Variants in PCDH15 observed in about 807,000 individuals in gnomAD.
PCDH15 encodes protocadherin related 15.
PCDH15 carries 129 observed loss-of-function variants against 178.5 expected under a neutral mutation model. The observed-to-expected ratio is 0.72, with a 90% confidence interval of 0.63 to 0.84. PCDH15 has a LOEUF of 0.84. Among genes scored for constraint, PCDH15 ranks in the 40% least tolerant of loss-of-function variants. The probability of loss-of-function intolerance (pLI) is 0.00; values close to 1 mark genes in which losing one functional copy is unlikely to be tolerated. For synonymous variants in PCDH15, 800 were observed against 732.0 expected, an observed-to-expected ratio of 1.09 and a Z score of -1.50; for missense variants, 2,230 against 2,099.9, an observed-to-expected ratio of 1.06 and a Z score of -1.21.
intron 13 of PCDH15, among the ~76,000 whole-genome samples, chr10:54,180,138 C>T (rs2047847216): frequency 1.3e-5 from 2 of 152,138 alleles, no homozygotes; most frequent in African/African-American, 4.8e-5. Context: ...TACTTCAGCT[C>T]CGGTTACGGA....
At chr10:55,077,321 T>C (rs760631611) in intron 2 of PCDH15, among the ~76,000 whole-genome samples, 4 of 152,140 alleles carry the variant, frequency 2.6e-5, no homozygotes, top group Non-Finnish European at 4.4e-5. Context: ...TGTATTTGTC[T>C]GGTTGTTTTG....
chr10:54,476,618 T>C (rs1399102998), intron 3 of PCDH15, among the ~76,000 whole-genome samples: 1 of 152,164 alleles, frequency 6.6e-6, no homozygotes, highest in East Asian at 1.9e-4. Flanking sequence ...GCTGAGTTTT[T>C]TTAAAAGGGT....
chr10:53,886,570 T>A (rs992295635), intron 26 of PCDH15, among the ~76,000 whole-genome samples: 1 of 151,158 alleles, frequency 6.6e-6, no homozygotes. Context: ...GAGCTGCTAG[T>A]CGTTTCCTGC....
chr10:54,279,243 T>A (rs1316764128), intron 8 of PCDH15, among the ~76,000 whole-genome samples: 1 of 151,588 alleles, frequency 6.6e-6, no homozygotes, highest in Admixed American at 6.6e-5. Context: ...AATTTCAACT[T>A]CAAATTCCAT....
At chr10:55,608,081 GA>G (rs1309253710) in intron 2 of PCDH15, among the ~76,000 whole-genome samples, 9 of 152,092 alleles carry the variant, frequency 5.9e-5, no homozygotes, top group African/African-American at 1.9e-4. Context: ...TGTAGATAAA[GA>G]CGGGAGCGTC....
chr10:55,384,437 A>G (rs186852289), intron 2 of PCDH15, among the ~76,000 whole-genome samples: 2 of 152,280 alleles, frequency 1.3e-5, no homozygotes, highest in African/African-American at 4.8e-5. Context: ...AAACACTAAT[A>G]ATGATGTTAT....
At chr10:54,078,383 T>C (rs994196321) in intron 17 of PCDH15, among the ~76,000 whole-genome samples, 1 of 151,970 alleles carries the variant, frequency 6.6e-6, no homozygotes, top group Non-Finnish European at 1.5e-5. Context: ...AATGTGAAGA[T>C]ACATTTATTT....
intron 1 of PCDH15, among the ~76,000 whole-genome samples, chr10:55,288,870 G>GATATATATATATATATATATAT (rs143549237): frequency 6.8e-6 from 1 of 146,190 alleles, no homozygotes; most frequent in African/African-American, 2.5e-5. Context: ...AATTCTATTA[G>GATATATATATATATATATATAT]ATATATATAT....
At chr10:55,481,990 T>G (rs929862314) in intron 2 of PCDH15, among the ~76,000 whole-genome samples, 17 of 151,922 alleles carry the variant, frequency 1.1e-4, no homozygotes, top group Non-Finnish European at 1.0e-4. Context: ...CTTTAAGAAC[T>G]TGCTTTATGA....
chr10:54,880,868 A>G (rs1490167622), intron 3 of PCDH15, among the ~76,000 whole-genome samples: 1 of 151,442 alleles, frequency 6.6e-6, no homozygotes, highest in Non-Finnish European at 1.5e-5. Context: ...TAAAACTTGT[A>G]TATGTAACAT....
intron 1 of PCDH15, among the ~76,000 whole-genome samples, chr10:55,213,285 C>T (rs1840616673): frequency 6.6e-6 from 1 of 152,158 alleles, no homozygotes; most frequent in African/African-American, 2.4e-5. Flanking sequence ...TTTCACGAAT[C>T]TTCATTTACA....
intron 3 of PCDH15, among the ~76,000 whole-genome samples, chr10:54,873,315 A>G (rs1260534284): frequency 6.6e-6 from 1 of 152,040 alleles, no homozygotes; most frequent in African/African-American, 2.4e-5. Flanking sequence ...TACCTAAATA[A>G]GGATTACCTT....
At chr10:54,962,966 G>C (rs571711695) in intron 2 of PCDH15, among the ~76,000 whole-genome samples, 1 of 152,118 alleles carries the variant, frequency 6.6e-6, no homozygotes. Flanking sequence ...TGAAAAATGC[G>C]TACTTGAAAA....
intron 8 of PCDH15, among the ~76,000 whole-genome samples, chr10:54,248,510 A>T (rs559139904): frequency 8.5e-5 from 13 of 152,178 alleles, no homozygotes; most frequent in African/African-American, 3.1e-4. Context: ...ATTCAGATGA[A>T]TTATATAAAT....
At chr10:54,422,556 G>T (rs1471769383) in intron 3 of PCDH15, among the ~76,000 whole-genome samples, 1 of 152,140 alleles carries the variant, frequency 6.6e-6, no homozygotes, top group Non-Finnish European at 1.5e-5. Flanking sequence ...ATTATTTAAT[G>T]CAGAGGGGGC....
chr10:55,302,349 G>T (rs1023488766), intron 1 of PCDH15, among the ~76,000 whole-genome samples: 1 of 151,990 alleles, frequency 6.6e-6, no homozygotes, highest in Non-Finnish European at 1.5e-5. Flanking sequence ...ATTGTAAATG[G>T]TATTGTGTTC....
At chr10:54,369,058 T>C in intron 5 of PCDH15, 62 bp downstream of exon 5, 1 of 1,522,324 alleles carries the variant, frequency 6.6e-7, no homozygotes, top group African/African-American at 1.4e-5. Flanking sequence ...TAAACATTTA[T>C]TGTATATAGT....
chr10:55,069,283 T>A (rs1486174264), intron 2 of PCDH15, among the ~76,000 whole-genome samples: 4 of 60,192 alleles, frequency 6.6e-5, no homozygotes, highest in African/African-American at 1.4e-4. Flanking sequence ...AAAATAACAA[T>A]TTTTTTTTTA....
intron 23 of PCDH15, among the ~76,000 whole-genome samples, chr10:53,945,846 TATATATATATATA>T (rs1564832099): frequency 2.0e-4 from 4 of 20,002 alleles, no homozygotes; most frequent in African/African-American, 8.4e-4. Context: ...TGTATATATA[TATATATATATATA>T]TATATATATA....
Sources: allele counts gnomAD v4.1 joint callset (sites outside exome capture counted in the v4.1 genomes callset), GRCh38; gene constraint gnomAD v4.1.1; transcripts MANE v1.5; gene names NCBI Gene and HGNC (gene_info 2026-07-23, HGNC 2026-07-21).